Variants in DLG2 observed in about 807,000 individuals in gnomAD.
DLG2 encodes the protein disks large homolog 2.
In DLG2, 45 loss-of-function variants were observed where a neutral mutation model predicts 132.5. That is an observed-to-expected ratio of 0.34 (90% CI 0.27 to 0.44). DLG2 has a LOEUF of 0.44. DLG2 is among the 20% of genes least tolerant of loss of function. DLG2 has a pLI of 1.00. For synonymous variants in DLG2, 424 were observed against 419.6 expected (o/e 1.01, Z -0.13); for missense variants, 1,045 against 1,196.9 (o/e 0.87, Z 1.87).
At chr11:84,862,727 C>T (rs570164712) in intron 6 of DLG2, among the ~76,000 whole-genome samples, 13 of 147,718 alleles carry the variant, frequency 8.8e-5, no homozygotes, top group African/African-American at 3.2e-4. Context: ...GAACAGAAAA[C>T]CAAACGTCGC....
intron 7 of DLG2, among the ~76,000 whole-genome samples, chr11:84,263,706 A>G (rs945023900): frequency 6.6e-6 from 1 of 152,182 alleles, no homozygotes; most frequent in African/African-American, 2.4e-5. Context: ...ATTTGACACT[A>G]GATCATACAC....
At chr11:84,489,486 T>C (rs776856578) in intron 7 of DLG2, among the ~76,000 whole-genome samples, 2 of 152,148 alleles carry the variant, frequency 1.3e-5, no homozygotes, top group Non-Finnish European at 2.9e-5. Context: ...AAAAATATCC[T>C]ATAGCTCTCC....
chr11:85,271,011 G>A (rs1312854664), intron 4 of DLG2, among the ~76,000 whole-genome samples: 1 of 152,164 alleles, frequency 6.6e-6, no homozygotes. Flanking sequence ...AAATAATGAG[G>A]AGCTAAATGT....
chr11:83,903,650 C>G (rs949036385), intron 15 of DLG2, among the ~76,000 whole-genome samples: 1 of 152,146 alleles, frequency 6.6e-6, no homozygotes, highest in Non-Finnish European at 1.5e-5. Flanking sequence ...TCAAGCAATT[C>G]TTCCTAGGCC....
chr11:85,108,398 A>T lies in DLG2; in HGVS notation c.357+3263T>A, dbSNP rs575983768. ...TATAACTTTCTTCAGTCCTTGGAGA[A>T]TTTATGACAGCCAAGACACTCTCTT... is the stretch of plus-strand genomic sequence containing the variant. On this transcript the variant is annotated intron_variant, in intron 6 of 27. Coordinates refer to ENST00000376104, the MANE Select transcript of DLG2 (RefSeq NM_001142699.3). 1.5e-4 allele frequency among the ~76,000 whole-genome samples: 23 copies of T among 152,164 alleles called. No individual in the cohort carries two copies. In the East Asian group the frequency reaches 3.7e-3, roughly 24 times the overall value.
intron 6 of DLG2, among the ~76,000 whole-genome samples, chr11:84,565,782 A>G (rs1047398413): frequency 2.0e-5 from 3 of 152,098 alleles, no homozygotes; most frequent in African/African-American, 7.2e-5. Flanking sequence ...AGCTTCCCCT[A>G]CAAGCCTATT....
At chr11:84,991,312 T>G (rs2057075085) in intron 6 of DLG2, among the ~76,000 whole-genome samples, 6 of 151,776 alleles carry the variant, frequency 4.0e-5, no homozygotes. Context: ...GAGTTTGAGA[T>G]GGCCTGGGCA....
chr11:84,223,473 C>CGATG (rs2096944291), intron 8 of DLG2, among the ~76,000 whole-genome samples: 1 of 151,968 alleles, frequency 6.6e-6, no homozygotes, highest in Non-Finnish European at 1.5e-5. Flanking sequence ...CACAGCCAGC[C>CGATG]CATCACAACC....
chr11:85,404,778 T>A (rs1236976782), intron 3 of DLG2, among the ~76,000 whole-genome samples: 1 of 152,020 alleles, frequency 6.6e-6, no homozygotes, highest in Non-Finnish European at 1.5e-5. Context: ...CAGTAAAACA[T>A]GCTGACTCTT....
intron 7 of DLG2, among the ~76,000 whole-genome samples, chr11:84,461,484 A>T (rs979651179): frequency 2.6e-5 from 4 of 151,094 alleles, no homozygotes; most frequent in African/African-American, 9.7e-5. Flanking sequence ...ATTTTAAATT[A>T]TGCTTTCCGA....
At chr11:85,614,406 C>G (rs894736603) in intron 2 of DLG2, among the ~76,000 whole-genome samples, 3 of 151,852 alleles carry the variant, frequency 2.0e-5, no homozygotes, top group African/African-American at 7.3e-5. Context: ...CTTGAGGAGG[C>G]TGAGGCAGGT....
chr11:85,592,802 A>T (rs1023807368), intron 3 of DLG2, among the ~76,000 whole-genome samples: 1 of 151,976 alleles, frequency 6.6e-6, no homozygotes, highest in Non-Finnish European at 1.5e-5. Context: ...AAAATTCAAA[A>T]ATTAGCCAGG....
chr11:84,828,755 A>G (rs1172962443), intron 6 of DLG2, among the ~76,000 whole-genome samples: 7 of 151,834 alleles, frequency 4.6e-5, no homozygotes, highest in Non-Finnish European at 1.0e-4. Flanking sequence ...AGCCCAGTAC[A>G]TAATCTCAGA....
intron 18 of DLG2, among the ~76,000 whole-genome samples, chr11:83,656,030 G>C (rs1226462743): frequency 2.0e-5 from 3 of 152,192 alleles, no homozygotes; most frequent in African/African-American, 7.2e-5. Flanking sequence ...AAGGCACCCT[G>C]GTCAGCACCC....
chr11:84,615,838 A>AAAAAAAAAAAAC (rs2099603348), intron 6 of DLG2, among the ~76,000 whole-genome samples: 1 of 146,556 alleles, frequency 6.8e-6, no homozygotes, highest in Non-Finnish European at 1.5e-5. Context: ...AAAAAAAAAA[A>AAAAAAAAAAAAC]AACTTCATTC....
chr11:84,190,094 T>A (rs564244445), intron 8 of DLG2, among the ~76,000 whole-genome samples: 1 of 151,786 alleles, frequency 6.6e-6, no homozygotes, highest in East Asian at 1.9e-4. Context: ...AAGACACATA[T>A]AGCCCTGTTT....
intron 3 of DLG2, among the ~76,000 whole-genome samples, chr11:85,294,984 T>G (rs2079128897): frequency 6.6e-6 from 1 of 152,158 alleles, no homozygotes; most frequent in Non-Finnish European, 1.5e-5. Flanking sequence ...CCTTGATGAA[T>G]AAATGTGCTA....
chr11:84,912,833 A>C (rs2154078419), intron 6 of DLG2, among the ~76,000 whole-genome samples: 1 of 152,332 alleles, frequency 6.6e-6, no homozygotes, highest in South Asian at 2.1e-4. Flanking sequence ...GAGGATGAAA[A>C]TTTTGAAGGC....
chr11:84,199,930 T>A lies in DLG2; in HGVS notation c.574-36419A>T, dbSNP rs144348092. ...CAAGTTTGATGAAAAAAACCACAGT[T>A]CTAAGAAGTCCAATGAATTACAAAG... On this transcript the variant is annotated intron_variant, in intron 8 of 27. Coordinates refer to ENST00000376104, the MANE Select transcript of DLG2 (RefSeq NM_001142699.3). Among the ~76,000 whole-genome samples the A allele has an allele frequency of 1.4e-3, 210 of 152,140 alleles. 5 individuals are homozygous for A. The East Asian group carries it at 0.029, about 21-fold the overall frequency.
Sources: allele counts gnomAD v4.1 joint callset (sites outside exome capture counted in the v4.1 genomes callset), GRCh38; gene constraint gnomAD v4.1.1; transcripts MANE v1.5; gene names NCBI Gene and HGNC (gene_info 2026-07-23, HGNC 2026-07-21).